SLC25A42: variants seen among roughly 807,000 people sequenced by gnomAD.
SLC25A42 encodes mitochondrial coenzyme A transporter SLC25A42.
SLC25A42 carries 19 observed loss-of-function variants against 34.7 expected under a neutral mutation model. That is an observed-to-expected ratio of 0.55 (90% confidence interval 0.38 to 0.80). SLC25A42 has a LOEUF of 0.80. SLC25A42 is among the 30% of genes least tolerant of loss of function. The pLI is 0.00. For missense variants in SLC25A42, 364 were observed against 441.3 expected (o/e 0.82, Z 1.57); for synonymous variants, 205 against 191.2 (o/e 1.07, Z -0.59).
At chr19:19,096,254 T>TGGGGGC in intron 2 of SLC25A42, 49 bp downstream of exon 2, 2 of 1,456,676 alleles carry the variant, frequency 1.4e-6, no homozygotes, top group Non-Finnish European at 1.9e-6. Context: ...GGCCCCAGCC[T>TGGGGGC]CCCCACCCCC....
intron 1 of SLC25A42, among the ~76,000 whole-genome samples, chr19:19,077,779 C>T (rs1339637862): frequency 6.6e-6 from 1 of 152,094 alleles, no homozygotes; most frequent in East Asian, 1.9e-4. Flanking sequence ...CCCAGCTACT[C>T]GGGAGGCTGA....
chr19:19,082,786 A>G (rs983531841), intron 1 of SLC25A42, among the ~76,000 whole-genome samples: 2 of 151,430 alleles, frequency 1.3e-5, no homozygotes, highest in African/African-American at 4.9e-5. Flanking sequence ...TTGGCCTCCT[A>G]CAGGTATGTG....
chr19:19,107,682 G>T (rs1157461284), intron 6 of SLC25A42, among the ~76,000 whole-genome samples: 1 of 152,168 alleles, frequency 6.6e-6, no homozygotes, highest in African/African-American at 2.4e-5. Flanking sequence ...CTTGCTTCCC[G>T]TGGCGAAGGT....
chr19:19,076,216 A>G (rs1255067543), intron 1 of SLC25A42, among the ~76,000 whole-genome samples: 1 of 152,016 alleles, frequency 6.6e-6, no homozygotes, highest in African/African-American at 2.4e-5. Flanking sequence ...TAATCCCAGC[A>G]TTTTGGGAGG....
intron 1 of SLC25A42, among the ~76,000 whole-genome samples, chr19:19,072,788 C>T (rs1014219644): frequency 3.7e-4 from 56 of 152,110 alleles, no homozygotes; most frequent in Admixed American, 2.8e-3. Context: ...AAGTGATCTT[C>T]CCACCTCAAC....
At position 19,081,084 on chromosome 19, in the gene SLC25A42, C is replaced by G. The variant is rs1267422494; in HGVS notation, c.-34-15007C>G. ...AATGAGCTGATTGTGCCACTACACT[C>G]CTACCTGGGTGACAGAGTGAGACCC... On this transcript the variant is annotated intron_variant, in intron 1 of 7. Coordinates refer to ENST00000318596, the MANE Select transcript of SLC25A42 (RefSeq NM_178526.5). The surrounding 1 kb of genome is among the most constrained non-coding windows in gnomAD (Gnocchi z 4.5). Among the ~76,000 whole-genome samples the G allele has an allele frequency of 6.6e-6, 1 of 151,606 alleles. No individual in the cohort carries two copies. The highest frequency in any genetic ancestry group is 2.4e-5 in the African/African-American group (1 of 41,238).
At chr19:19,104,811 A>C in intron 3 of SLC25A42, 102 bp from the exon 4 acceptor site, 1 of 1,341,632 alleles carries the variant, frequency 7.5e-7, no homozygotes, top group Non-Finnish European at 1.1e-6. Flanking sequence ...ATTGGGGGGA[A>C]AAGGAGGGTG....
At chr19:19,107,582 G>T (rs969316310) in intron 6 of SLC25A42, among the ~76,000 whole-genome samples, 1 of 152,080 alleles carries the variant, frequency 6.6e-6, no homozygotes, top group Non-Finnish European at 1.5e-5. Flanking sequence ...AGTGAGCCAA[G>T]ACTGTGACAC....
chr19:19,079,933 A>G (rs2059672776), intron 1 of SLC25A42, among the ~76,000 whole-genome samples: 1 of 152,176 alleles, frequency 6.6e-6, no homozygotes, highest in Non-Finnish European at 1.5e-5. Flanking sequence ...GCTGGGCCAC[A>G]ATAGTATCTC....
At chr19:19,076,400 G>C (rs563228745) in intron 1 of SLC25A42, among the ~76,000 whole-genome samples, 6 of 152,238 alleles carry the variant, frequency 3.9e-5, no homozygotes, top group African/African-American at 1.4e-4. Flanking sequence ...AACCTGGGAG[G>C]TGGAGGTTGC....
intron 1 of SLC25A42, among the ~76,000 whole-genome samples, chr19:19,071,182 T>G (rs903735093): frequency 1.3e-5 from 2 of 151,930 alleles, no homozygotes; most frequent in Non-Finnish European, 2.9e-5. Context: ...AACTTTTAAA[T>G]TTTTTGTAGA....
chr19:19,101,686 C>T (rs2059797050), intron 2 of SLC25A42, 95 bp from the exon 3 acceptor site: 11 of 1,129,284 alleles, frequency 9.7e-6, no homozygotes, highest in South Asian at 1.5e-5. Context: ...CCCTCGGCCC[C>T]GGCCCAGAGG....
chr19:19,085,846 G>A (rs1304040438), intron 1 of SLC25A42, among the ~76,000 whole-genome samples: 2 of 152,080 alleles, frequency 1.3e-5, no homozygotes, highest in Non-Finnish European at 2.9e-5. Flanking sequence ...GAGGAGGGGA[G>A]AGGGGAGGGG....
At chr19:19,070,768 T>C (rs1049139987) in intron 1 of SLC25A42, among the ~76,000 whole-genome samples, 2 of 152,208 alleles carry the variant, frequency 1.3e-5, no homozygotes, top group African/African-American at 2.4e-5. Context: ...TCAACCCTTA[T>C]ACTTGCTGAG....
At chr19:19,096,254 T>TGGCCCCCCCCC in intron 2 of SLC25A42, 49 bp downstream of exon 2, 1 of 1,456,646 alleles carries the variant, frequency 6.9e-7, no homozygotes, top group Non-Finnish European at 9.4e-7. Flanking sequence ...GGCCCCAGCC[T>TGGCCCCCCCCC]CCCCACCCCC....
chr19:19,075,349 C>T (rs1015915323), intron 1 of SLC25A42, among the ~76,000 whole-genome samples: 13 of 152,164 alleles, frequency 8.5e-5, no homozygotes, highest in African/African-American at 2.2e-4. Flanking sequence ...TCCCATACCC[C>T]GCCGAGCTTT....
intron 3 of SLC25A42, 145 bp from the exon 4 acceptor site, chr19:19,104,768 G>C: frequency 1.2e-6 from 1 of 855,348 alleles, no homozygotes; most frequent in South Asian, 1.5e-5. Context: ...TCTGGGGCTT[G>C]GGTGTCAGCT....
rs1227599290 is a variant in SLC25A42 at position 19,105,117 on chromosome 19, G to A, written c.213+179G>A. On this transcript the variant is annotated intron_variant, in intron 4 of 7. Transcript: ENST00000318596. ...TGGGAACTGACGGGACATCCCGAGTGTCCTTCCGGCAGTGGGGTGGGGAGA... is the reference window on the plus strand; with the variant it reads ...TGGGAACTGACGGGACATCCCGAGTATCCTTCCGGCAGTGGGGTGGGGAGA... 7 of 733,094 alleles carry A rather than the reference G, an allele frequency of 9.5e-6. No individual in the cohort carries two copies. The South Asian group carries it at 1.0e-4, about 11-fold the overall frequency. 45.4% of individuals were successfully genotyped at this position (733,094 alleles called of 1,614,324 possible).
At chr19:19,100,321 G>A (rs7246240) in intron 2 of SLC25A42, among the ~76,000 whole-genome samples, 2,929 of 152,040 alleles carry the variant, frequency 0.019, 99 homozygotes, top group African/African-American at 0.068. Flanking sequence ...CAGCCTGGGC[G>A]ACAGAGCAAG....
Sources: allele counts gnomAD v4.1 joint callset (sites outside exome capture counted in the v4.1 genomes callset), GRCh38; gene constraint gnomAD v4.1.1; non-coding constraint Gnocchi (gnomAD v3.1); transcripts MANE v1.5; gene names NCBI Gene and HGNC (gene_info 2026-07-23, HGNC 2026-07-21).